BMPR1B: variants seen among roughly 807,000 people sequenced by gnomAD.
BMPR1B encodes bone morphogenetic protein receptor type-1B.
A neutral mutation model predicts 59.1 loss-of-function variants in BMPR1B; 12 were observed. The observed-to-expected ratio is 0.20, with a 90% confidence interval of 0.13 to 0.33. The LOEUF is 0.33. Ranked by LOEUF, BMPR1B falls within the 10% of genes least tolerant of loss-of-function variation. The pLI is 1.00. For missense variants in BMPR1B, 550 were observed against 610.9 expected, an observed-to-expected ratio of 0.90 and a Z score of 1.05; for synonymous variants, 237 against 207.3, an observed-to-expected ratio of 1.14 and a Z score of -1.23.
chr4:95,007,930 A>G (rs931654712), intron 3 of BMPR1B, among the ~76,000 whole-genome samples: 1 of 152,206 alleles, frequency 6.6e-6, no homozygotes, highest in East Asian at 1.9e-4. Flanking sequence ...TAATATTAAG[A>G]AAATTTTATA....
intron 3 of BMPR1B, among the ~76,000 whole-genome samples, chr4:95,090,163 ATGC>A (rs1729875484): frequency 6.6e-6 from 1 of 152,080 alleles, no homozygotes; most frequent in African/African-American, 2.4e-5. Flanking sequence ...TACATATCCT[ATGC>A]ATATTTTTTT....
At chr4:94,966,490 A>G (rs1297069367) in intron 2 of BMPR1B, among the ~76,000 whole-genome samples, 4 of 152,210 alleles carry the variant, frequency 2.6e-5, no homozygotes, top group East Asian at 1.9e-4. Flanking sequence ...AATTTTTGCT[A>G]TAAGAAAAAG....
intron 2 of BMPR1B, among the ~76,000 whole-genome samples, chr4:94,906,941 G>A (rs1174174348): frequency 6.6e-6 from 1 of 151,988 alleles, no homozygotes; most frequent in African/African-American, 2.4e-5. Context: ...TATGGGTTTT[G>A]TAGAGCAACT....
At chr4:94,826,788 T>C (rs1051238743) in intron 1 of BMPR1B, among the ~76,000 whole-genome samples, 2 of 152,178 alleles carry the variant, frequency 1.3e-5, no homozygotes, top group African/African-American at 4.8e-5. Context: ...TTGTTGAAAC[T>C]GAAATCAATA....
intron 2 of BMPR1B, among the ~76,000 whole-genome samples, chr4:94,920,813 T>C (rs150470560): frequency 0.014 from 2,197 of 152,322 alleles, 55 homozygotes; most frequent in African/African-American, 0.05. Flanking sequence ...AGTGCTCACT[T>C]CAAGCTTTGG....
At chr4:94,962,144 C>CTT (rs202147892) in intron 2 of BMPR1B, among the ~76,000 whole-genome samples, 4 of 83,672 alleles carry the variant, frequency 4.8e-5, no homozygotes, top group African/African-American at 2.2e-4. Flanking sequence ...TCCTTCCTTT[C>CTT]TTTTTTCTTT....
Position 95,051,919 on chromosome 4 carries a change from T to C in BMPR1B, c.-17-52489T>C, listed in dbSNP as rs1438906947. The C allele has an allele frequency of 8.8e-6, 6 of 683,332 alleles. No individual in the cohort carries two copies. In the African/African-American group the frequency reaches 1.1e-4, roughly 12 times the overall value. 42.3% of individuals were successfully genotyped at this position (683,332 alleles called of 1,614,324 possible). ...CCCATTCTCCAACTGCCCTGTAATT[T>C]TACTACTTTCTCTATTATGGCAAGG... is the stretch of plus-strand genomic sequence containing the variant. On this transcript the variant is annotated intron_variant, in intron 3 of 12. Transcript: ENST00000515059.
intron 10 of BMPR1B, among the ~76,000 whole-genome samples, chr4:95,138,891 T>C (rs954390956): frequency 1.3e-5 from 2 of 152,054 alleles, no homozygotes; most frequent in African/African-American, 2.4e-5. Flanking sequence ...TAATGCCGAT[T>C]GTCTGAAGCC....
chr4:94,878,140 TA>T (rs2148975801), intron 2 of BMPR1B, among the ~76,000 whole-genome samples: 1 of 152,372 alleles, frequency 6.6e-6, no homozygotes, highest in Non-Finnish European at 1.5e-5. Flanking sequence ...AGAACATTTT[TA>T]AAGGCTCTTT....
chr4:95,124,004 T>C, intron 7 of BMPR1B, 98 bp downstream of exon 7: 1 of 805,356 alleles, frequency 1.2e-6, no homozygotes, highest in East Asian at 2.5e-5. Context: ...ACCACAGCTT[T>C]ATTTATCTTA....
At chr4:95,030,281 A>C (rs190316283) in intron 3 of BMPR1B, among the ~76,000 whole-genome samples, 7,963 of 152,132 alleles carry the variant, frequency 0.052, 248 homozygotes, top group Middle Eastern at 0.078. Flanking sequence ...TACATCTTGA[A>C]TTAATTTTTG....
intron 4 of BMPR1B, among the ~76,000 whole-genome samples, chr4:95,104,783 A>T (rs1028056132): frequency 6.6e-6 from 1 of 152,102 alleles, no homozygotes; most frequent in Non-Finnish European, 1.5e-5. Flanking sequence ...CAGACAGCTC[A>T]CATACACATG....
At chr4:94,859,836 TA>T (rs1725909616) in intron 1 of BMPR1B, among the ~76,000 whole-genome samples, 1 of 152,140 alleles carries the variant, frequency 6.6e-6, no homozygotes, top group Admixed American at 6.5e-5. Context: ...TAATTGCATA[TA>T]AATTACTAAA....
chr4:94,943,280 C>A (rs542313023), intron 2 of BMPR1B, among the ~76,000 whole-genome samples: 182 of 152,230 alleles, frequency 1.2e-3, no homozygotes, highest in African/African-American at 4.0e-3. Context: ...GCTGGGATTA[C>A]AGGCATGCGC....
intron 2 of BMPR1B, among the ~76,000 whole-genome samples, chr4:94,940,891 C>T (rs943996776): frequency 2.0e-5 from 3 of 151,700 alleles, no homozygotes; most frequent in African/African-American, 7.3e-5. Flanking sequence ...TTTTCTAATC[C>T]CCTGCAGAAA....
chr4:95,041,910 A>C (rs533571926), intron 3 of BMPR1B, among the ~76,000 whole-genome samples: 2 of 151,936 alleles, frequency 1.3e-5, no homozygotes, highest in East Asian at 3.9e-4. Context: ...GCTGTAGTGC[A>C]GTGGTGCGAT....
At position 95,055,294 on chromosome 4, in the gene BMPR1B, A is replaced by G. The variant is rs72671288; in HGVS notation, c.-17-49114A>G. On this transcript the variant is annotated intron_variant, in intron 3 of 12. Coordinates refer to ENST00000515059, the MANE Select transcript of BMPR1B (RefSeq NM_001203.3). ...AAAAATAGGTTATACATTTTTTTTT[A>G]GTATAATCAGGGCAAATAGGGAATC... Among the ~76,000 whole-genome samples, 573 of 152,138 alleles carry G rather than the reference A, an allele frequency of 3.8e-3. 2 individuals are homozygous for G. Among genetic ancestry groups the G allele is most frequent in the Non-Finnish European group, 6.9e-3 (467 of 67,946 alleles).
chr4:95,134,848 A>T (rs1200967852), intron 10 of BMPR1B, among the ~76,000 whole-genome samples: 1 of 152,200 alleles, frequency 6.6e-6, no homozygotes, highest in African/African-American at 2.4e-5. Flanking sequence ...TTTGCTGTGC[A>T]GAAGCTCTTT....
intron 1 of BMPR1B, among the ~76,000 whole-genome samples, chr4:94,862,266 C>T (rs1305183103): frequency 6.6e-6 from 1 of 151,836 alleles, no homozygotes; most frequent in African/African-American, 2.4e-5. Flanking sequence ...TCTCCTGCCT[C>T]AGCCTCCTGA....
Sources: gnomAD v4.1 joint callset for allele counts (sites outside exome capture counted in the v4.1 genomes callset) on GRCh38, gnomAD v4.1.1 for gene constraint, MANE v1.5 for transcripts, NCBI Gene and HGNC (gene_info 2026-07-23, HGNC 2026-07-21) for gene names.